DSCAML1: variants seen among roughly 807,000 people sequenced by gnomAD.
DSCAML1 encodes cell adhesion molecule DSCAML1.
In DSCAML1, 38 loss-of-function variants were observed where a neutral mutation model predicts 200.5. The observed-to-expected ratio is 0.19, with a 90% CI of 0.15 to 0.25. DSCAML1 has a LOEUF of 0.25. DSCAML1 is among the 10% of genes least tolerant of loss of function. The pLI, the probability that DSCAML1 is intolerant of heterozygous loss-of-function variation, is 1.00. For missense variants in DSCAML1, 2,223 were observed against 2,858.8 expected (o/e 0.78, Z 5.07); for synonymous variants, 1,215 against 1,165.0 (o/e 1.04, Z -0.87).
intron 3 of DSCAML1, among the ~76,000 whole-genome samples, chr11:117,587,031 C>T (rs991326100): frequency 7.2e-5 from 11 of 152,150 alleles, no homozygotes; most frequent in African/African-American, 2.7e-4. Flanking sequence ...CACGTCAGCT[C>T]TTCTCTGGAG....
chr11:117,627,941 G>T (rs4936392), intron 3 of DSCAML1, among the ~76,000 whole-genome samples: 2,359 of 152,102 alleles, frequency 0.016, 29 homozygotes, highest in East Asian at 0.054. Flanking sequence ...GGGACCATGG[G>T]CCCCTATGCA....
intron 3 of DSCAML1, among the ~76,000 whole-genome samples, chr11:117,662,500 G>A (rs910249362): frequency 3.3e-5 from 5 of 152,338 alleles, no homozygotes; most frequent in East Asian, 3.9e-4. Flanking sequence ...ATGACCACTC[G>A]TCGAGAATGC....
chr11:117,616,568 T>A (rs940852163), intron 3 of DSCAML1, among the ~76,000 whole-genome samples: 1 of 152,208 alleles, frequency 6.6e-6, no homozygotes, highest in Non-Finnish European at 1.5e-5. Context: ...CTCATGAACA[T>A]AAGGTTGAGC....
At chr11:117,805,733 C>T (rs1211533843) in intron 1 of DSCAML1, among the ~76,000 whole-genome samples, 1 of 152,140 alleles carries the variant, frequency 6.6e-6, no homozygotes, top group African/African-American at 2.4e-5. Flanking sequence ...CTTTTGGCAA[C>T]TCTGTGCCCA....
intron 4 of DSCAML1, 141 bp from the exon 5 acceptor site, chr11:117,525,224 G>T: frequency 9.7e-7 from 1 of 1,032,260 alleles, no homozygotes; most frequent in Non-Finnish European, 1.4e-6. Context: ...GGCTCCAGAG[G>T]AACATTTCAG....
intron 3 of DSCAML1, among the ~76,000 whole-genome samples, chr11:117,635,933 C>T (rs964671112): frequency 1.3e-5 from 2 of 152,120 alleles, no homozygotes; most frequent in East Asian, 3.9e-4. Flanking sequence ...AGGGGTGAGT[C>T]CCATTCCCAC....
chr11:117,787,425 A>G (rs1413132633), intron 1 of DSCAML1, among the ~76,000 whole-genome samples: 1 of 152,216 alleles, frequency 6.6e-6, no homozygotes, highest in African/African-American at 2.4e-5. Flanking sequence ...TGATGATAAT[A>G]ATAATAACCT....
chr11:117,443,580 A>T (rs755562246), intron 21 of DSCAML1, among the ~76,000 whole-genome samples: 2 of 152,156 alleles, frequency 1.3e-5, no homozygotes, highest in Non-Finnish European at 2.9e-5. Context: ...CCCGGCTTTG[A>T]ATTGGGGGTA....
Position 117,505,852 on chromosome 11 carries a change from C to A in DSCAML1, c.1784-120G>T. 1 of 1,251,310 alleles carries A rather than the reference C, an allele frequency of 8.0e-7. No individual in the cohort carries two copies. Among genetic ancestry groups the A allele is most frequent in the South Asian group, 1.5e-5 (1 of 66,354 alleles). The allele number at this position is 1,251,310 out of a possible 1,614,324, so 77.5% of individuals were successfully genotyped here. A position where few individuals can be genotyped will look rare whatever the true frequency, so the allele number is the denominator to read the frequency against. On this transcript the variant is annotated intron_variant, in intron 8 of 32. Coordinates refer to ENST00000651296, the MANE Select transcript of DSCAML1 (RefSeq NM_020693.4). This position sits in a 1 kb window ranked among gnomAD's most constrained non-coding sequence, Gnocchi z 6.7. ...GGCCTTGAACAAAGATCCCCTGGGG[C>A]ACTGCAGCCTTGTTCTCCTATGCAT...
upstream of DSCAML1, among the ~76,000 whole-genome samples, chr11:117,799,550 C>A (rs568547714): frequency 6.6e-6 from 1 of 152,164 alleles, no homozygotes; most frequent in African/African-American, 2.4e-5. Context: ...CTGGCTGTCC[C>A]GGGAGGAGAC....
intron 14 of DSCAML1, among the ~76,000 whole-genome samples, chr11:117,476,037 G>A (rs183547556): frequency 2.0e-5 from 3 of 152,274 alleles, no homozygotes; most frequent in East Asian, 3.9e-4. Flanking sequence ...AGAGTACTGA[G>A]CTGGCTTTGG....
upstream of DSCAML1, among the ~76,000 whole-genome samples, chr11:117,797,686 G>T (rs1203339330): frequency 6.9e-6 from 1 of 145,058 alleles, no homozygotes; most frequent in East Asian, 2.1e-4. Context: ...AAAGTTCATA[G>T]CTGCCCTTCC....
At chr11:117,607,065 A>T (rs904196168) in intron 3 of DSCAML1, among the ~76,000 whole-genome samples, 1 of 152,216 alleles carries the variant, frequency 6.6e-6, no homozygotes, top group African/African-American at 2.4e-5. Context: ...CAAAATGCCC[A>T]GCAGAGAAGG....
At chr11:117,589,037 T>A (rs917826588) in intron 3 of DSCAML1, among the ~76,000 whole-genome samples, 23 of 152,124 alleles carry the variant, frequency 1.5e-4, no homozygotes, top group African/African-American at 5.6e-4. Context: ...GGCGTGGGTT[T>A]CGGAGGCTGT....
At position 117,480,380 on chromosome 11, in the gene DSCAML1, C is replaced by A. The variant is rs866473308; in HGVS notation, c.2785+63G>T. On this transcript the variant is annotated intron_variant, in intron 14 of 32. Transcript: ENST00000651296. The surrounding 1 kb of genome is among the most constrained non-coding windows in gnomAD (Gnocchi z 4.1). ...GGGCTCTCCTCCCAGAGGGCACAGG[C>A]AGGACACGTGGCACAAGGGGCCATG... 2 of 1,600,086 alleles carry A rather than the reference C, an allele frequency of 1.2e-6. No individual in the cohort carries two copies. Among genetic ancestry groups the A allele is most frequent in the Middle Eastern group, 1.7e-4 (1 of 6,010 alleles).
At chr11:117,534,350 A>G (rs748838600) in intron 3 of DSCAML1, among the ~76,000 whole-genome samples, 3 of 152,230 alleles carry the variant, frequency 2.0e-5, no homozygotes, top group Non-Finnish European at 4.4e-5. Context: ...ACAAAGGTTC[A>G]TCAGCCTTCG....
chr11:117,512,145 G>C (rs201682763), intron 8 of DSCAML1, among the ~76,000 whole-genome samples: 1 of 152,040 alleles, frequency 6.6e-6, no homozygotes, highest in South Asian at 2.1e-4. Flanking sequence ...TCACACTTCC[G>C]GTGCTCTGTC....
At chr11:117,724,025 T>C (rs1409761355) in intron 3 of DSCAML1, among the ~76,000 whole-genome samples, 1 of 152,234 alleles carries the variant, frequency 6.6e-6, no homozygotes, top group Non-Finnish European at 1.5e-5. Context: ...CAATTAACAT[T>C]ACACTAGCTG....
intron 3 of DSCAML1, among the ~76,000 whole-genome samples, chr11:117,675,734 G>T (rs563367351): frequency 6.6e-6 from 1 of 152,044 alleles, no homozygotes; most frequent in South Asian, 2.1e-4. Flanking sequence ...GGAGCACCTC[G>T]GGCATCGTTT....
Sources: allele counts gnomAD v4.1 joint callset (sites outside exome capture counted in the v4.1 genomes callset), GRCh38; gene constraint gnomAD v4.1.1; non-coding constraint Gnocchi (gnomAD v3.1); transcripts MANE v1.5; gene names NCBI Gene and HGNC (gene_info 2026-07-23, HGNC 2026-07-21).